SLC6A13: variants seen among roughly 807,000 people sequenced by gnomAD.
SLC6A13 encodes the protein solute carrier family 6 member 13.
Under a neutral mutation model 72.9 loss-of-function variants are expected in SLC6A13, and 69 were observed. The observed-to-expected ratio is 0.95, with a 90% CI of 0.78 to 1.16. The LOEUF (loss-of-function observed/expected upper bound fraction) is 1.16, where lower values mean the gene tolerates loss of function less well. Among genes scored for constraint, SLC6A13 ranks in the 50% most tolerant of loss-of-function variants. SLC6A13 has a pLI of 0.00. For synonymous variants in SLC6A13, 303 were observed against 303.0 expected (o/e 1.00, Z 0.00); for missense variants, 735 against 760.5 (o/e 0.97, Z 0.39).
intron 7 of SLC6A13, among the ~76,000 whole-genome samples, chr12:229,280 T>C (rs1185729539): frequency 1.3e-5 from 2 of 152,140 alleles, no homozygotes; most frequent in Non-Finnish European, 2.9e-5. Context: ...GTCTCACTTC[T>C]CCCCGTTTAA....
intron 4 of SLC6A13, among the ~76,000 whole-genome samples, chr12:240,573 G>A (rs1942129742): frequency 6.6e-6 from 1 of 152,242 alleles, no homozygotes; most frequent in African/African-American, 2.4e-5. Context: ...TTACGATAGA[G>A]CCAGCACTGT....
intron 2 of SLC6A13, chr12:259,519 A>G: frequency 7.4e-7 from 1 of 1,347,066 alleles, no homozygotes; most frequent in South Asian, 2.1e-5. Flanking sequence ...AATTTGCAGG[A>G]GCGGCAATTG....
chr12:241,855 C>T (rs542212023), intron 4 of SLC6A13, among the ~76,000 whole-genome samples: 6 of 152,352 alleles, frequency 3.9e-5, no homozygotes, highest in South Asian at 2.1e-4. Context: ...CACATAGCAA[C>T]GCTTCAGCCA....
intron 4 of SLC6A13, among the ~76,000 whole-genome samples, chr12:242,236 CCT>C (rs1487064981): frequency 6.6e-6 from 1 of 152,180 alleles, no homozygotes; most frequent in East Asian, 1.9e-4. Flanking sequence ...CTCTGCCACC[CCT>C]GACAAGCAAG....
intron 12 of SLC6A13, among the ~76,000 whole-genome samples, chr12:222,885 T>C (rs1448734050): frequency 6.6e-6 from 1 of 152,188 alleles, no homozygotes; most frequent in Non-Finnish European, 1.5e-5. Flanking sequence ...TGAAAACATT[T>C]GGACAGGGCA....
At chr12:262,158 G>C (rs1201318839) in intron 1 of SLC6A13, among the ~76,000 whole-genome samples, 1 of 152,038 alleles carries the variant, frequency 6.6e-6, no homozygotes, top group Admixed American at 6.6e-5. Context: ...CACCCTCCCA[G>C]ACCCTAGGAG....
chr12:225,799 G>A (rs1471594112), intron 9 of SLC6A13, among the ~76,000 whole-genome samples: 1 of 152,312 alleles, frequency 6.6e-6, no homozygotes, highest in East Asian at 1.9e-4. Flanking sequence ...ATTATTACAG[G>A]GCAAAGTAGG....
intron 2 of SLC6A13, among the ~76,000 whole-genome samples, chr12:244,021 T>C (rs1942263610): frequency 6.6e-6 from 1 of 152,224 alleles, no homozygotes; most frequent in Non-Finnish European, 1.5e-5. Flanking sequence ...CCTCTTGCCT[T>C]TTTTCACTGC....
At chr12:222,486 C>G in intron 13 of SLC6A13, 46 bp downstream of exon 13, 1 of 1,268,848 alleles carries the variant, frequency 7.9e-7, no homozygotes, top group Middle Eastern at 1.9e-4. Context: ...TGCTAGCCAC[C>G]GTCTCTCCCT....
chr12:227,615 C>T lies in SLC6A13; in HGVS notation c.885G>A (p.Gly295=). The change falls in exon 8 of 15, where the codon GGG becomes GGA. Residue 295 remains glycine, a synonymous_variant. Coordinates refer to ENST00000343164, the MANE Select transcript of SLC6A13 (RefSeq NM_016615.5). ...TGTAGCTGCCCAGGGCTGTCAGGCACCCAAGACAGATGGCGAAGGAGAAGA... is the reference window on the plus strand; with the variant it reads ...TGTAGCTGCCCAGGGCTGTCAGGCATCCAAGACAGATGGCGAAGGAGAAGA... ...QIFFSFAICL[G]CLTALGSYNK... The T allele has an allele frequency of 6.2e-7, 1 of 1,613,770 alleles. No individual in the cohort carries two copies. Among genetic ancestry groups the T allele is most frequent in the Non-Finnish European group, 8.5e-7 (1 of 1,179,772 alleles).
intron 4 of SLC6A13, among the ~76,000 whole-genome samples, chr12:239,047 C>G (rs1942048541): frequency 6.6e-6 from 1 of 152,006 alleles, no homozygotes; most frequent in Non-Finnish European, 1.5e-5. Flanking sequence ...GCATTCCACA[C>G]CATTCCCCTC....
intron 5 of SLC6A13, 125 bp downstream of exon 5, chr12:237,801 G>GA (rs1941994057): frequency 5.5e-6 from 4 of 728,964 alleles, no homozygotes; most frequent in Non-Finnish European, 7.2e-6. Flanking sequence ...AGGCACCACA[G>GA]AAAAAAGCCA....
rs772608846 is a variant in SLC6A13 at position 227,852 on chromosome 12, G to C, written c.832-184C>G. On this transcript the variant is annotated intron_variant, in intron 7 of 14. Transcript: ENST00000343164. ...GTGGGCTCTACTCCCTGGACTCCTAGGTGAAGTTTCTTGGGCACTACTAGG... is the reference window on the plus strand; with the variant it reads ...GTGGGCTCTACTCCCTGGACTCCTACGTGAAGTTTCTTGGGCACTACTAGG... Among the ~76,000 whole-genome samples, 56 of 152,188 alleles carry C rather than the reference G, an allele frequency of 3.7e-4. 1 individual carries two copies. The highest frequency in any genetic ancestry group is 4.4e-5 in the Non-Finnish European group (3 of 68,024).
At chr12:227,459 G>A in intron 8 of SLC6A13, 106 bp downstream of exon 8, 5 of 1,547,386 alleles carry the variant, frequency 3.2e-6, no homozygotes, top group South Asian at 2.4e-5. Context: ...AGACAGGGGG[G>A]CAGATCCAGG....
chr12:256,221 G>A (rs976502828), intron 2 of SLC6A13, among the ~76,000 whole-genome samples: 3 of 152,272 alleles, frequency 2.0e-5, no homozygotes, highest in Middle Eastern at 3.4e-3. Flanking sequence ...GAATTGGTCC[G>A]TTTTGATTAT....
intron 2 of SLC6A13, among the ~76,000 whole-genome samples, chr12:250,827 GCCCC>G (rs149274720): frequency 0.18 from 21,061 of 119,676 alleles, 2,241 homozygotes; most frequent in East Asian, 0.27. Flanking sequence ...ACCCAAAATA[GCCCC>G]CCAAAAAAAA....
chr12:222,583 T>C lies in SLC6A13; in HGVS notation c.1464A>G (p.Pro488=), dbSNP rs1161944063. Residue 488 remains proline, a synonymous_variant, in exon 13 of 15, where the codon CCA becomes CCG. Coordinates refer to ENST00000343164, the MANE Select transcript of SLC6A13 (RefSeq NM_016615.5). The part of the protein sequence containing the change: ...DNIEDMIGYR[P]WPLIKYCWLF... ...GCCAACAGTATTTGATAAGAGGCCATGGCCTGTACCCAATCATGTCTTCGA... is the reference window on the plus strand; with the variant it reads ...GCCAACAGTATTTGATAAGAGGCCACGGCCTGTACCCAATCATGTCTTCGA... 3 of 1,610,970 alleles carry C rather than the reference T, an allele frequency of 1.9e-6. No individual in the cohort carries two copies. The highest frequency in any genetic ancestry group is 2.5e-6 in the Non-Finnish European group (3 of 1,178,494).
chr12:224,590 G>A (rs549316118), intron 9 of SLC6A13, 77 bp from the exon 10 acceptor site: 66 of 1,165,258 alleles, frequency 5.7e-5, no homozygotes, highest in East Asian at 2.4e-4. Flanking sequence ...GCTTCCCAGC[G>A]TGGGGCCACA....
chr12:242,849 G>T, intron 3 of SLC6A13, 95 bp from the exon 4 acceptor site: 1 of 1,173,188 alleles, frequency 8.5e-7, no homozygotes, highest in Non-Finnish European at 1.2e-6. Context: ...TGAGAGGATT[G>T]TCTGAGGCTG....
Sources: gnomAD v4.1 joint callset for allele counts (sites outside exome capture counted in the v4.1 genomes callset) on GRCh38, gnomAD v4.1.1 for gene constraint, MANE v1.5 for transcripts, NCBI Gene and HGNC (gene_info 2026-07-23, HGNC 2026-07-21) for gene names.